Variants in EHMT1 observed in about 807,000 individuals in gnomAD.
The protein encoded by EHMT1 is euchromatic histone lysine methyltransferase 1.
A neutral mutation model predicts 147.2 loss-of-function variants in EHMT1; 15 were observed. That is an observed-to-expected ratio of 0.10 (90% CI 0.07 to 0.16). The LOEUF (loss-of-function observed/expected upper bound fraction) is 0.16, where lower values mean the gene tolerates loss of function less well. Ranked by LOEUF, EHMT1 falls within the 10% of genes least tolerant of loss-of-function variation. The pLI, the probability that EHMT1 is intolerant of heterozygous loss-of-function variation, is 1.00. For missense variants in EHMT1, 1,587 were observed against 1,772.4 expected (o/e 0.90, Z 1.88); for synonymous variants, 795 against 709.6 (o/e 1.12, Z -1.91).
chr9:137,681,190 G>T (rs748227514), intron 1 of EHMT1, among the ~76,000 whole-genome samples: 1 of 152,172 alleles, frequency 6.6e-6, no homozygotes, highest in Non-Finnish European at 1.5e-5. Flanking sequence ...AGGGAGAACT[G>T]GGTGGTTCAG....
chr9:137,776,826 C>T lies in EHMT1; in HGVS notation c.2000C>T (p.Ala667Val). Residue 667 changes from alanine to valine, a missense_variant, in exon 12 of 27, where the codon GCC (alanine) becomes GTC (valine). This residue lies in a region of EHMT1 where 77 missense variants were observed against 79.3 expected (regional missense o/e 0.97). Transcript: ENST00000460843. This position sits in a 1 kb window ranked among gnomAD's most constrained non-coding sequence, Gnocchi z 4.4. ...AAGGGCTCGGCCCTGGAGGGCAGGG[C>T]CGACACCACAACGGGCAGGTACCTG... ...QEKGSALEGR[A>V]DTTTGSAAGP... 1.9e-6 allele frequency: 3 copies of T among 1,613,868 alleles called. No individual in the cohort carries two copies. Among genetic ancestry groups the T allele is most frequent in the Non-Finnish European group, 2.5e-6 (3 of 1,179,990 alleles).
chr9:137,795,850 C>T lies in EHMT1; in HGVS notation c.2506-2963C>T, dbSNP rs1004949910. ...CGAATATTGTAATCCCTGGAGAAAG[C>T]ACCAAGAAAATAAAACAAATAGAGC... On this transcript the variant is annotated intron_variant, in intron 16 of 26. Transcript: ENST00000460843. 3.3e-5 allele frequency among the ~76,000 whole-genome samples: 5 copies of T among 151,472 alleles called. No homozygotes were observed. The South Asian group carries it at 1.0e-3, about 32-fold the overall frequency.
chr9:137,780,258 T>G (rs371471061), intron 14 of EHMT1, among the ~76,000 whole-genome samples: 1 of 137,458 alleles, frequency 7.3e-6, no homozygotes, highest in South Asian at 2.4e-4. Flanking sequence ...GTGATGACGC[T>G]GGGATGTGTG....
intron 1 of EHMT1, among the ~76,000 whole-genome samples, chr9:137,651,547 G>C (rs1937818063): frequency 6.6e-6 from 1 of 152,188 alleles, no homozygotes; most frequent in Admixed American, 6.5e-5. Context: ...GCTGTGGGAG[G>C]GAGGCCGAGG....
chr9:137,815,580 G>A (rs1453331323), intron 22 of EHMT1: 1 of 357,650 alleles, frequency 2.8e-6, no homozygotes, highest in African/African-American at 2.1e-5. Context: ...CAGGAGTGCA[G>A]GAGGGTGCAG....
chr9:137,784,029 T>C (rs1405434023), intron 15 of EHMT1: 1 of 696,736 alleles, frequency 1.4e-6, no homozygotes, highest in East Asian at 2.8e-5. Context: ...TCTAGCTGTC[T>C]TAGTCCATTT....
intron 1 of EHMT1, among the ~76,000 whole-genome samples, chr9:137,625,928 T>G (rs938890301): frequency 1.4e-4 from 21 of 151,790 alleles, no homozygotes; most frequent in African/African-American, 5.1e-4. Flanking sequence ...CGATCTCGGC[T>G]CACTGCAACC....
intron 3 of EHMT1, among the ~76,000 whole-genome samples, chr9:137,719,470 G>A (rs950701371): frequency 2.6e-5 from 4 of 152,320 alleles, no homozygotes; most frequent in East Asian, 1.9e-4. Context: ...CGGGCACCTC[G>A]TGGTGCGGAC....
chr9:137,834,836 C>T lies in EHMT1; in HGVS notation c.3780C>T (p.Ser1260=). The T allele has an allele frequency of 1.9e-6, 3 of 1,612,572 alleles. No homozygotes were observed. The highest frequency in any genetic ancestry group is 2.5e-6 in the Non-Finnish European group (3 of 1,179,648). The part of the protein sequence containing the change: ...KGKLFSCRCG[S]PKCRHSSAAL... ...AGCTCTTCAGCTGCCGCTGCGGCTC[C>T]CCCAAGTGCCGGCACTCGAGCGCGG... Residue 1260 remains serine (S), a synonymous_variant, in exon 27 of 27, where the codon TCC becomes TCT. Transcript: ENST00000460843.
chr9:137,800,412 C>T (rs1021970828), intron 17 of EHMT1: 5 of 216,760 alleles, frequency 2.3e-5, no homozygotes, highest in African/African-American at 1.2e-4. Flanking sequence ...GTCCCTGGCT[C>T]TCCTGCACGG....
At chr9:137,808,918 C>T (rs564664258) in intron 18 of EHMT1, among the ~76,000 whole-genome samples, 7 of 151,350 alleles carry the variant, frequency 4.6e-5, no homozygotes, top group Non-Finnish European at 1.0e-4. Flanking sequence ...AGTGAGACTC[C>T]GCCTCTAAAA....
In EHMT1 at chr9:137,801,049, G is replaced by A. The variant is rs1233202924; in HGVS notation, c.2712+65G>A. ...GGGGTGGGGACCTCCTCCCCCAGAAGGTTCTTTTCTCAAAAGCAGAACCCT... is the reference window on the plus strand; with the variant it reads ...GGGGTGGGGACCTCCTCCCCCAGAAAGTTCTTTTCTCAAAAGCAGAACCCT... On this transcript the variant is annotated intron_variant, in intron 18 of 26. Transcript: ENST00000460843. The A allele has an allele frequency of 2.0e-6, 3 of 1,475,834 alleles. No individual in the cohort carries two copies. In the African/African-American group the frequency reaches 4.2e-5, roughly 20 times the overall value. 91.4% of individuals were successfully genotyped at this position (1,475,834 alleles called of 1,614,324 possible).
intron 4 of EHMT1, among the ~76,000 whole-genome samples, chr9:137,739,317 A>C (rs912542298): frequency 4.6e-5 from 7 of 151,492 alleles, no homozygotes; most frequent in African/African-American, 9.7e-5. Flanking sequence ...GATCGCACCA[A>C]TGCACTCCAG....
chr9:137,806,473 C>T (rs1281049699), intron 18 of EHMT1, among the ~76,000 whole-genome samples: 1 of 151,434 alleles, frequency 6.6e-6, no homozygotes, highest in African/African-American at 2.4e-5. Flanking sequence ...TTTGCTCTTT[C>T]ACCCAGGCTG....
chr9:137,695,156 G>A (rs1943296668), intron 1 of EHMT1, among the ~76,000 whole-genome samples: 1 of 152,240 alleles, frequency 6.6e-6, no homozygotes, highest in Admixed American at 6.5e-5. Flanking sequence ...CGGCCGCCCG[G>A]CCCTGTGTGC....
At chr9:137,831,324 T>TA (rs1956171584) in intron 25 of EHMT1, among the ~76,000 whole-genome samples, 2 of 152,240 alleles carry the variant, frequency 1.3e-5, no homozygotes, top group South Asian at 4.1e-4. Flanking sequence ...CACGAGCCCT[T>TA]ACCTTTCTCC....
chr9:137,727,297 T>G (rs57983917), intron 3 of EHMT1, among the ~76,000 whole-genome samples: 3,059 of 152,280 alleles, frequency 0.02, 114 homozygotes, highest in African/African-American at 0.07. Flanking sequence ...ATTTTAACTT[T>G]GATTAAGTCC....
chr9:137,801,824 G>C (rs1380698535), intron 18 of EHMT1, among the ~76,000 whole-genome samples: 1 of 152,100 alleles, frequency 6.6e-6, no homozygotes, highest in Admixed American at 6.5e-5. Flanking sequence ...GTAGAGACAG[G>C]GTTTAGCCAT....
chr9:137,762,556 A>G, intron 9 of EHMT1, 119 bp from the exon 10 acceptor site: 6 of 1,540,138 alleles, frequency 3.9e-6, no homozygotes, highest in East Asian at 2.3e-5. Flanking sequence ...TGGGTAATCA[A>G]CCGCATTGCT....
Sources: gnomAD v4.1 joint callset for allele counts (sites outside exome capture counted in the v4.1 genomes callset) on GRCh38, gnomAD v4.1.1 for gene constraint, gnomAD v4.1.1 regional missense constraint, Gnocchi (gnomAD v3.1) non-coding constraint, MANE v1.5 for transcripts, NCBI Gene and HGNC (gene_info 2026-07-23, HGNC 2026-07-21) for gene names.